Variants in FAM20A observed in about 807,000 individuals in gnomAD.
FAM20A encodes the protein FAM20A golgi associated secretory pathway pseudokinase.
FAM20A carries 42 observed loss-of-function variants against 52.0 expected under a neutral mutation model. The ratio of observed to expected loss-of-function variants is 0.81; its 90% CI spans 0.63 to 1.04. FAM20A has a LOEUF of 1.04. FAM20A is among the 50% of genes least tolerant of loss of function. FAM20A has a pLI of 0.00. For synonymous variants in FAM20A, 304 were observed against 298.9 expected, an observed-to-expected ratio of 1.02 and a Z score of -0.18; for missense variants, 742 against 712.7, an observed-to-expected ratio of 1.04 and a Z score of -0.47.
In FAM20A at chr17:68,539,939, A is replaced by G; in HGVS notation, c.1247T>C (p.Met416Thr). 1.2e-6 allele frequency: 2 copies of G among 1,614,144 alleles called. No homozygotes were observed. Among genetic ancestry groups the G allele is most frequent in the Non-Finnish European group, 1.7e-6 (2 of 1,180,016 alleles). The change falls in exon 9 of 11, where the codon ATG becomes ACG. Residue 416 changes from methionine (M) to threonine (T), a missense_variant. Transcript: ENST00000592554. ...CCCATCATCCCCGAACTTGGTGAAC[A>G]TCTCATAATGGTGCCGGTCCATATT... ...IGNMDRHHYE[M>T]FTKFGDDGFL... is the part of the protein sequence containing the mutation.
chr17:68,560,211 G>A (rs2087171418), intron 1 of FAM20A, among the ~76,000 whole-genome samples: 2 of 152,120 alleles, frequency 1.3e-5, no homozygotes, highest in Non-Finnish European at 2.9e-5. Context: ...GGGTTATGGT[G>A]ACATGCACCT....
Position 68,536,589 on chromosome 17 carries a change from G to C in FAM20A, c.*888C>G, listed in dbSNP as rs1482997599. ...CACATAGCCCCTTTCTTCTTTTGGG[G>C]ATGGGCCGGGGACAATCCTGGGGTC... On this transcript the variant is annotated 3_prime_UTR_variant, in exon 11 of 11. Coordinates refer to ENST00000592554, the MANE Select transcript of FAM20A (RefSeq NM_017565.4). 4.4e-6 allele frequency: 2 copies of C among 453,728 alleles called. No individual in the cohort carries two copies. Among genetic ancestry groups the C allele is most frequent in the East Asian group, 1.4e-4 (2 of 14,372 alleles). 28.1% of individuals were successfully genotyped at this position (453,728 alleles called of 1,614,324 possible).
intron 1 of FAM20A, among the ~76,000 whole-genome samples, chr17:68,576,504 C>T (rs762073835): frequency 9.2e-5 from 14 of 152,290 alleles, no homozygotes; most frequent in Non-Finnish European, 1.6e-4. Flanking sequence ...GCTCCTCATG[C>T]TGCAGCCCTG....
In FAM20A at chr17:68,552,665, C is replaced by CTTTTTTTTTTTT. The variant is rs1568739140; in HGVS notation, c.641-715_641-714insAAAAAAAAAAAA. Among the ~76,000 whole-genome samples, 16 of 109,996 alleles carry CTTTTTTTTTTTT rather than the reference C, an allele frequency of 1.5e-4. 1 individual carries two copies. Among genetic ancestry groups the CTTTTTTTTTTTT allele is most frequent in the African/African-American group, 5.2e-4 (16 of 30,998 alleles). 72.2% of individuals were successfully genotyped at this position (109,996 alleles called of 152,430 possible). A position where few individuals can be genotyped will look rare whatever the true frequency, so the allele number is the denominator to read the frequency against. ...CTGGAGCCCTGTAAACCTTTATTTT[C>CTTTTTTTTTTTT]CTTTTTTTTTTTTTTTTTTTTTTTT... On this transcript the variant is annotated intron_variant, in intron 3 of 10. Coordinates refer to ENST00000592554, the MANE Select transcript of FAM20A (RefSeq NM_017565.4).
intron 1 of FAM20A, among the ~76,000 whole-genome samples, chr17:68,566,828 C>A (rs2087389534): frequency 6.6e-6 from 1 of 152,214 alleles, no homozygotes; most frequent in Admixed American, 6.5e-5. Flanking sequence ...TAAAAGCTTT[C>A]AGTGTCTTCA....
At position 68,537,786 on chromosome 17, in the gene FAM20A, A is replaced by T. The variant is rs1568716022; in HGVS notation, c.1362-45T>A. On this transcript the variant is annotated intron_variant, in intron 10 of 10. Coordinates refer to ENST00000592554, the MANE Select transcript of FAM20A (RefSeq NM_017565.4). The surrounding 1 kb of genome is among the most constrained non-coding windows in gnomAD (Gnocchi z 4.2). ...GGAACCAAATAAGCAAATGTAAAGA[A>T]AATAACTTGCCTGAACTTCTTTCCC... 2 of 1,575,694 alleles carry T rather than the reference A, an allele frequency of 1.3e-6. No individual in the cohort carries two copies. The highest frequency in any genetic ancestry group is 2.3e-5 in the South Asian group (2 of 86,272).
At chr17:68,596,554 G>C (rs1258943789) in intron 1 of FAM20A, among the ~76,000 whole-genome samples, 1 of 152,162 alleles carries the variant, frequency 6.6e-6, no homozygotes, top group Non-Finnish European at 1.5e-5. Context: ...ATGCAAAGGC[G>C]AGCAACAGTG....
In FAM20A at chr17:68,600,217, C is replaced by T. The variant is rs1312469187; in HGVS notation, c.404+46G>A. Reference sequence around the variant, plus strand: ...ACTCGAGACTGGGGCGCGGGGAGGCCCCGGCCAGAGCGCCCGCTCTCCCGC... The same window carrying T: ...ACTCGAGACTGGGGCGCGGGGAGGCTCCGGCCAGAGCGCCCGCTCTCCCGC... On this transcript the variant is annotated intron_variant, in intron 1 of 10. Transcript: ENST00000592554. The surrounding 1 kb of genome is among the most constrained non-coding windows in gnomAD (Gnocchi z 6.2). 4 of 1,543,462 alleles carry T rather than the reference C, an allele frequency of 2.6e-6. No homozygotes were observed. The highest frequency in any genetic ancestry group is 1.4e-5 in the African/African-American group (1 of 72,804).
In FAM20A at chr17:68,542,039, C is replaced by T. The variant is rs142113880; in HGVS notation, c.1055G>A (p.Arg352Lys). Residue 352 changes from arginine (R) to lysine (K), a missense_variant, in exon 7 of 11, where the codon AGG becomes AAG. Physicochemically the swap from Arg to Lys is conservative, Grantham distance 26 (BLOSUM62 2). Coordinates refer to ENST00000592554, the MANE Select transcript of FAM20A (RefSeq NM_017565.4). The part of the protein sequence containing the change: ...AFLPSLNLAP[R>K]LSVPNPWIRS... The stretch of plus-strand genomic sequence containing the variant: ...GATCCAGGGGTTGGGCACAGACAGC[C>T]TGGGGGCCAGGTTGAGGGACGGCAG... 18 of 1,613,974 alleles carry T rather than the reference C, an allele frequency of 1.1e-5. No individual in the cohort carries two copies. In the African/African-American group the frequency reaches 2.4e-4, roughly 22 times the overall value.
intron 1 of FAM20A, among the ~76,000 whole-genome samples, chr17:68,596,491 T>C (rs2088456117): frequency 6.6e-6 from 1 of 152,234 alleles, no homozygotes; most frequent in Non-Finnish European, 1.5e-5. Flanking sequence ...AGATGTTGTC[T>C]GACTTGGGCA....
chr17:68,559,276 ATTTTT>A, intron 1 of FAM20A, among the ~76,000 whole-genome samples: 1 of 152,198 alleles, frequency 6.6e-6, no homozygotes, highest in Non-Finnish European at 1.5e-5. Flanking sequence ...CCTAAGTAAT[ATTTTT>A]TATTAGATCT....
chr17:68,563,169 T>C (rs2087265979), intron 1 of FAM20A, among the ~76,000 whole-genome samples: 1 of 152,092 alleles, frequency 6.6e-6, no homozygotes, highest in African/African-American at 2.4e-5. Flanking sequence ...GCAGATCACC[T>C]GAGATCAGGA....
intron 5 of FAM20A, 96 bp from the exon 6 acceptor site, chr17:68,542,905 G>A: frequency 1.0e-6 from 1 of 952,608 alleles, no homozygotes; most frequent in Non-Finnish European, 1.7e-6. Flanking sequence ...GAATTGGCTG[G>A]TGTACCCAGG....
chr17:68,556,862 T>C (rs2087065930), intron 1 of FAM20A, among the ~76,000 whole-genome samples: 1 of 152,116 alleles, frequency 6.6e-6, no homozygotes, highest in Non-Finnish European at 1.5e-5. Flanking sequence ...TGTGATAGTA[T>C]ACCTTGGGTC....
At chr17:68,584,099 T>C (rs1332212917) in intron 1 of FAM20A, among the ~76,000 whole-genome samples, 1 of 152,102 alleles carries the variant, frequency 6.6e-6, no homozygotes, top group Non-Finnish European at 1.5e-5. Context: ...GGTGGATCAC[T>C]TGAGGCCAGG....
chr17:68,557,314 C>A (rs549794726), intron 1 of FAM20A, among the ~76,000 whole-genome samples: 2 of 152,258 alleles, frequency 1.3e-5, no homozygotes, highest in African/African-American at 4.8e-5. Context: ...TTGCAATGGA[C>A]TGAATGTTTA....
intron 1 of FAM20A, among the ~76,000 whole-genome samples, chr17:68,558,715 C>CT (rs2143731176): frequency 6.6e-6 from 1 of 152,220 alleles, no homozygotes; most frequent in Non-Finnish European, 1.5e-5. Flanking sequence ...TCAGGTATTT[C>CT]TTTTTTCCTT....
intron 1 of FAM20A, among the ~76,000 whole-genome samples, chr17:68,579,819 G>C (rs116519175): frequency 0.024 from 3,598 of 152,172 alleles, 127 homozygotes; most frequent in African/African-American, 0.08. Context: ...CAATGCTTTG[G>C]GAAGCGACGC....
At chr17:68,586,699 C>T (rs2143889632) in intron 1 of FAM20A, among the ~76,000 whole-genome samples, 1 of 152,340 alleles carries the variant, frequency 6.6e-6, no homozygotes. Context: ...CTTCTGGCAC[C>T]TTCATTTCAG....
Sources: allele counts gnomAD v4.1 joint callset (sites outside exome capture counted in the v4.1 genomes callset), GRCh38; gene constraint gnomAD v4.1.1; non-coding constraint Gnocchi (gnomAD v3.1); transcripts MANE v1.5; gene names NCBI Gene and HGNC (gene_info 2026-07-23, HGNC 2026-07-21).